The following ATAD3A variants were observed in gnomAD, a reference collection of about 807,000 sequenced individuals.
The protein encoded by ATAD3A is ATPase family AAA domain containing 3A, also known as ATPase family AAA domain-containing protein 3A.
In ATAD3A, 46 loss-of-function variants were observed where a neutral mutation model predicts 73.8. The ratio of observed to expected loss-of-function variants is 0.62; its 90% CI spans 0.49 to 0.80. The LOEUF (loss-of-function observed/expected upper bound fraction) is 0.80, where lower values mean the gene tolerates loss of function less well. Among genes scored for constraint, ATAD3A ranks in the 30% least tolerant of loss-of-function variants. The pLI, the probability that ATAD3A is intolerant of heterozygous loss-of-function variation, is 0.00. For synonymous variants in ATAD3A, 319 were observed against 350.0 expected, an observed-to-expected ratio of 0.91 and a Z score of 0.99; for missense variants, 705 against 838.0, an observed-to-expected ratio of 0.84 and a Z score of 1.96.
chr1:1,527,545 A>C (rs564949704), intron 13 of ATAD3A, 150 bp from the exon 14 acceptor site: 1 of 1,202,262 alleles, frequency 8.3e-7, no homozygotes, highest in East Asian at 2.6e-5. Flanking sequence ...AGCTGGGTGC[A>C]GTGGGGCAGG....
chr1:1,512,240 G>C lies in ATAD3A; in HGVS notation c.-29G>C. ...GAGTCAGACTCGGGTGGGGGTCCCGGCGGCGGTAGCGGCGGCGGCGGTGCG... is the reference window on the plus strand; with the variant it reads ...GAGTCAGACTCGGGTGGGGGTCCCGCCGGCGGTAGCGGCGGCGGCGGTGCG... On this transcript the variant is annotated 5_prime_UTR_variant, in exon 1 of 16. Coordinates refer to ENST00000378756, the MANE Select transcript of ATAD3A (RefSeq NM_001170535.3). 7.9e-7 allele frequency: 1 copy of C among 1,273,396 alleles called. No individual in the cohort carries two copies. The highest frequency in any genetic ancestry group is 3.4e-5 in the Admixed American group (1 of 29,068). 78.9% of individuals were successfully genotyped at this position (1,273,396 alleles called of 1,614,324 possible).
Position 1,523,541 on chromosome 1 carries a change from G to C in ATAD3A, c.937G>C (p.Asp313His). The C allele has an allele frequency of 6.2e-7, 1 of 1,613,002 alleles. No individual in the cohort carries two copies. The highest frequency in any genetic ancestry group is 1.1e-5 in the South Asian group (1 of 91,002). ...VSRRLLSRPQ[D>H]ALEGVVLSPS... The stretch of plus-strand genomic sequence containing the variant: ...CCGGCGGCTCCTCAGTCGACCCCAG[G>C]ACGCGCTGGAGGGTGTTGTGCTCAG... The change falls in exon 9 of 16, where the codon GAC (aspartate) becomes CAC (histidine). Residue 313 changes from aspartate to histidine, a missense_variant. Transcript: ENST00000378756. This position sits in a 1 kb window ranked among gnomAD's most constrained non-coding sequence, Gnocchi z 5.1.
Position 1,533,885 on chromosome 1 carries a change from T to G in ATAD3A, c.1615-41T>G, listed in dbSNP as rs1353253252. The stretch of plus-strand genomic sequence containing the variant: ...CCTGGCGTGCATTTGGGGTGGGGGG[T>G]TCCCATGGCGGCCTCCCTCAGCTGC... On this transcript the variant is annotated intron_variant, in intron 15 of 15. Transcript: ENST00000378756. 3 of 1,598,812 alleles carry G rather than the reference T, an allele frequency of 1.9e-6. No individual in the cohort carries two copies. The South Asian group carries it at 3.3e-5, about 18-fold the overall frequency.
At chr1:1,514,449 G>A (rs1364960768) in intron 1 of ATAD3A, among the ~76,000 whole-genome samples, 6 of 152,180 alleles carry the variant, frequency 3.9e-5, no homozygotes, top group South Asian at 2.1e-4. Flanking sequence ...AGCCAAACCC[G>A]TTGACCTGGC....
chr1:1,524,917 A>G (rs953647807), intron 11 of ATAD3A, among the ~76,000 whole-genome samples: 3 of 151,770 alleles, frequency 2.0e-5, no homozygotes, highest in East Asian at 1.9e-4. Flanking sequence ...TTGACCTTTC[A>G]CTTTAGAAGA....
Position 1,518,931 on chromosome 1 carries a change from A to T in ATAD3A, c.455A>T (p.Asn152Ile), listed in dbSNP as rs1182652450. ...EDQLKQQQLL[N>I]EENLRKQEES... ...GCGGCTTCTTCTCAGCAACTTCTCA[A>T]TGAGGAGAATTTACGGAAGCAGGAG... Residue 152 changes from asparagine to isoleucine, a missense_variant, in exon 5 of 16, where the codon AAT becomes ATT. Asn to Ile is a moderately radical substitution (Grantham distance 149, BLOSUM62 -3). Transcript: ENST00000378756. The T allele has an allele frequency of 6.2e-7, 1 of 1,613,854 alleles. No individual in the cohort carries two copies. The highest frequency in any genetic ancestry group is 1.3e-5 in the African/African-American group (1 of 74,924).
intron 12 of ATAD3A, among the ~76,000 whole-genome samples, chr1:1,526,210 G>A (rs1345384261): frequency 2.0e-5 from 3 of 151,832 alleles, no homozygotes; most frequent in Admixed American, 2.0e-4. Flanking sequence ...TAGTAGAGAC[G>A]GGGTCTCACC....
rs1450855408 is a variant in ATAD3A, at chr1:1,522,979, C to T, written c.906+80C>T. On this transcript the variant is annotated intron_variant, in intron 8 of 15. Coordinates refer to ENST00000378756, the MANE Select transcript of ATAD3A (RefSeq NM_001170535.3). ...GCCCCACGAGCACAGCCCACGCACA[C>T]CCTCCCGTCCCTTCCCTTTCCCCGG... is the stretch of plus-strand genomic sequence containing the variant. The T allele has an allele frequency of 9.8e-5, 152 of 1,546,702 alleles. No individual in the cohort carries two copies. In the South Asian group the frequency reaches 1.0e-3, roughly 11 times the overall value.
intron 4 of ATAD3A, 28 bp from the exon 5 acceptor site, chr1:1,518,893 T>C: frequency 6.2e-7 from 1 of 1,613,968 alleles, no homozygotes. Flanking sequence ...TTTAAAGGCT[T>C]TTCTCTTTTT....
rs1485582624 is a variant in ATAD3A at position 1,534,199 on chromosome 1, C to A, written c.*127C>A. Reference sequence around the variant, plus strand: ...TGGGCTGTGCCCAGGGCCTCTGTCCCCCAGGATGTCTTGTGGTGCGGGTCG... The same window carrying A: ...TGGGCTGTGCCCAGGGCCTCTGTCCACCAGGATGTCTTGTGGTGCGGGTCG... On this transcript the variant is annotated 3_prime_UTR_variant, in exon 16 of 16. Transcript: ENST00000378756. The A allele has an allele frequency of 2.6e-6, 4 of 1,544,832 alleles. No homozygotes were observed. Among genetic ancestry groups the A allele is most frequent in the East Asian group, 2.5e-5 (1 of 40,342 alleles).
intron 13 of ATAD3A, among the ~76,000 whole-genome samples, chr1:1,527,420 G>A (rs755089597): frequency 1.1e-4 from 16 of 152,242 alleles, no homozygotes; most frequent in Non-Finnish European, 1.9e-4. Flanking sequence ...CACAGCAGGG[G>A]TCAGGCAGCA....
In ATAD3A at chr1:1,515,857, A is replaced by G. The variant is rs1368739829; in HGVS notation, c.206-155A>G. The stretch of plus-strand genomic sequence containing the variant: ...GCTGGGGATGGTGCATCGTCACGCC[A>G]GGTCTGACTAGGAAGGAGGATGGGG... On this transcript the variant is annotated intron_variant, in intron 1 of 15. Coordinates refer to ENST00000378756, the MANE Select transcript of ATAD3A (RefSeq NM_001170535.3). Among the ~76,000 whole-genome samples the G allele has an allele frequency of 2.0e-5, 3 of 152,162 alleles. No homozygotes were observed. The East Asian group carries it at 5.8e-4, about 29-fold the overall frequency.
intron 14 of ATAD3A, 71 bp downstream of exon 14, chr1:1,527,933 C>T (rs1641906427): frequency 1.8e-5 from 26 of 1,444,062 alleles, no homozygotes; most frequent in Non-Finnish European, 2.3e-5. Context: ...CACAGTCCAC[C>T]ATCACTTACA....
chr1:1,523,798 G>A lies in ATAD3A; in HGVS notation c.964-41G>A, dbSNP rs1641695942. The A allele has an allele frequency of 8.1e-6, 13 of 1,613,364 alleles. No individual in the cohort carries two copies. The highest frequency in any genetic ancestry group is 1.0e-5 in the Non-Finnish European group (12 of 1,179,818). Reference sequence around the variant, plus strand: ...AGCCCCTTCCCCTGAGGCTTCCATGGGTGCACAGTGTCTCCTCCAAACCCC... The same window carrying A: ...AGCCCCTTCCCCTGAGGCTTCCATGAGTGCACAGTGTCTCCTCCAAACCCC... On this transcript the variant is annotated intron_variant, in intron 9 of 15. Transcript: ENST00000378756. The surrounding 1 kb of genome is among the most constrained non-coding windows in gnomAD (Gnocchi z 5.1).
intron 7 of ATAD3A, among the ~76,000 whole-genome samples, chr1:1,521,378 A>G (rs1220269057): frequency 6.0e-5 from 9 of 148,920 alleles, no homozygotes; most frequent in Admixed American, 4.7e-4. Context: ...TTTATTCCTT[A>G]TAAAACCCTG....
intron 15 of ATAD3A, among the ~76,000 whole-genome samples, chr1:1,533,009 G>A (rs966785896): frequency 5.9e-5 from 9 of 152,348 alleles, no homozygotes; most frequent in African/African-American, 1.9e-4. Flanking sequence ...TTGGTGAGGG[G>A]TGGGCGCTTG....
At chr1:1,529,691 T>C (rs1423739182) in intron 15 of ATAD3A, among the ~76,000 whole-genome samples, 1 of 152,200 alleles carries the variant, frequency 6.6e-6, no homozygotes, top group African/African-American at 2.4e-5. Flanking sequence ...ACAGGCCCCA[T>C]GTGAGTTGGG....
rs1278449846 is a variant in ATAD3A at position 1,527,740 on chromosome 1, G to A, written c.1383G>A (p.Trp461Ter). 1 of 1,613,732 alleles carries A rather than the reference G, an allele frequency of 6.2e-7. No homozygotes were observed. Among genetic ancestry groups the A allele is most frequent in the African/African-American group, 1.3e-5 (1 of 74,900 alleles). Residue 461 changes from tryptophan (W) to a stop codon, truncating the protein, a stop_gained, in exon 14 of 16, where the codon TGG (tryptophan) becomes TGA (stop). Transcript: ENST00000378756. LOFTEE classifies it high-confidence loss of function. Reference protein sequence around the residue: ...LASNQPEQFDWAINDRINEMV... With the variant: ...LASNQPEQFD ...GCAACCAACCAGAGCAGTTCGACTG[G>A]GCCATCAATGACCGCATCAATGAGA...
chr1:1,526,637 C>T, intron 13 of ATAD3A, 106 bp downstream of exon 13: 1 of 1,566,088 alleles, frequency 6.4e-7, no homozygotes, highest in Admixed American at 2.0e-5. Flanking sequence ...TGCTGGGCAG[C>T]TGCCGTGGCC....
Sources: allele counts gnomAD v4.1 joint callset (sites outside exome capture counted in the v4.1 genomes callset), GRCh38; gene constraint gnomAD v4.1.1; non-coding constraint Gnocchi (gnomAD v3.1); transcripts MANE v1.5; gene names NCBI Gene and HGNC (gene_info 2026-07-23, HGNC 2026-07-21).